Variants in KALRN observed in about 807,000 individuals in gnomAD.
KALRN encodes the protein kalirin.
KALRN carries 70 observed loss-of-function variants against 353.7 expected under a neutral mutation model. That is an observed-to-expected ratio of 0.20 (90% confidence interval 0.16 to 0.24). KALRN has a LOEUF of 0.24. Ranked by LOEUF, KALRN falls within the 10% of genes least tolerant of loss-of-function variation. The pLI is 1.00. For missense variants in KALRN, 2,791 were observed against 3,756.7 expected (o/e 0.74, Z 6.72); for synonymous variants, 1,391 against 1,434.8 (o/e 0.97, Z 0.69).
intron 11 of KALRN, among the ~76,000 whole-genome samples, chr3:124,393,005 C>G (rs1296391820): frequency 1.7e-5 from 2 of 117,494 alleles, no homozygotes; most frequent in African/African-American, 6.5e-5. Flanking sequence ...TTGCTCTGTT[C>G]CCCAGGCTGG....
chr3:124,690,029 C>A (rs1015511335), intron 51 of KALRN, among the ~76,000 whole-genome samples: 24 of 152,154 alleles, frequency 1.6e-4, no homozygotes. Flanking sequence ...AAGTTCATGG[C>A]AGGACATTTT....
intron 47 of KALRN, among the ~76,000 whole-genome samples, chr3:124,668,840 C>T (rs1449766189): frequency 6.6e-6 from 1 of 151,976 alleles, no homozygotes; most frequent in Non-Finnish European, 1.5e-5. Flanking sequence ...TAATTTTATG[C>T]AAAAATGTGT....
At chr3:124,490,939 G>A in intron 30 of KALRN, 55 bp downstream of exon 30, 2 of 1,494,644 alleles carry the variant, frequency 1.3e-6, no homozygotes, top group South Asian at 1.2e-5. Context: ...GAACCCATGG[G>A]CAGGAAGGGA....
At chr3:124,682,533 C>T (rs1264264239) in intron 51 of KALRN, among the ~76,000 whole-genome samples, 2 of 152,204 alleles carry the variant, frequency 1.3e-5, no homozygotes, top group Admixed American at 6.5e-5. Flanking sequence ...CCTAGCTGTG[C>T]ATAGGCTCTC....
At chr3:124,105,299 A>G in intron 1 of KALRN, among the ~76,000 whole-genome samples, 1 of 152,170 alleles carries the variant, frequency 6.6e-6, no homozygotes, top group East Asian at 1.9e-4. Flanking sequence ...GGGATTTAGA[A>G]ACTTTGAGTT....
chr3:124,152,516 C>G, intron 1 of KALRN: 1 of 759,552 alleles, frequency 1.3e-6, no homozygotes, highest in Non-Finnish European at 2.4e-6. Flanking sequence ...TGCCTATATT[C>G]CTTGTTACAG....
intron 6 of KALRN, among the ~76,000 whole-genome samples, chr3:124,304,803 C>T (rs1022783381): frequency 1.3e-5 from 2 of 152,182 alleles, no homozygotes; most frequent in East Asian, 3.8e-4. Flanking sequence ...TTCCTTTACC[C>T]TCCACCCTAG....
intron 34 of KALRN, among the ~76,000 whole-genome samples, chr3:124,576,558 C>A (rs1376356021): frequency 6.6e-6 from 1 of 152,002 alleles, no homozygotes; most frequent in African/African-American, 2.4e-5. Flanking sequence ...GGGTTAAGTA[C>A]CTCTCATTTA....
chr3:124,587,661 G>C (rs1457563949), intron 34 of KALRN, among the ~76,000 whole-genome samples: 1 of 143,800 alleles, frequency 7.0e-6, no homozygotes. Context: ...TATGGAAAGC[G>C]ACTATCTTGT....
chr3:124,544,571 TATCTATATCGATAC>T (rs1396765955), intron 33 of KALRN, among the ~76,000 whole-genome samples: 6 of 152,044 alleles, frequency 3.9e-5, no homozygotes, highest in African/African-American at 1.2e-4. Flanking sequence ...AAAACAAAAC[TATCTATATCGATAC>T]ATCTATATCG....
At chr3:124,512,360 T>C (rs893981413) in intron 33 of KALRN, among the ~76,000 whole-genome samples, 1 of 152,218 alleles carries the variant, frequency 6.6e-6, no homozygotes, top group Admixed American at 6.5e-5. Flanking sequence ...CTTTTAAACA[T>C]GAAGGGGGTG....
intron 1 of KALRN, among the ~76,000 whole-genome samples, chr3:124,117,390 A>T (rs57976357): frequency 0.04 from 6,031 of 151,898 alleles, 412 homozygotes; most frequent in African/African-American, 0.14. Context: ...TTAAATAACT[A>T]AACATTTATT....
chr3:124,526,479 G>T (rs1374491863), intron 33 of KALRN, among the ~76,000 whole-genome samples: 1 of 152,154 alleles, frequency 6.6e-6, no homozygotes, highest in Non-Finnish European at 1.5e-5. Flanking sequence ...GGAGGCTGAG[G>T]TGGGAGGATC....
intron 37 of KALRN, among the ~76,000 whole-genome samples, chr3:124,638,203 T>C (rs1208851251): frequency 6.6e-6 from 1 of 152,210 alleles, no homozygotes; most frequent in East Asian, 1.9e-4. Flanking sequence ...AAATGATGGA[T>C]GCTCTCTATG....
chr3:124,662,042 C>T, intron 45 of KALRN, 114 bp downstream of exon 45: 1 of 824,500 alleles, frequency 1.2e-6, no homozygotes, highest in Non-Finnish European at 2.1e-6. Context: ...CTTCACTCAC[C>T]ACTATGCCTT....
chr3:124,710,263 G>C (rs2150765504), intron 57 of KALRN, among the ~76,000 whole-genome samples: 1 of 152,350 alleles, frequency 6.6e-6, no homozygotes, highest in East Asian at 1.9e-4. Context: ...TAGTAATGTA[G>C]ATACTGAATA....
chr3:124,311,164 T>C (rs557422788), intron 6 of KALRN, among the ~76,000 whole-genome samples: 5 of 141,000 alleles, frequency 3.5e-5, no homozygotes, highest in African/African-American at 5.2e-5. Flanking sequence ...AGATTGGCTA[T>C]AATCAAAAAC....
At chr3:124,532,401 TG>T (rs962654438) in intron 33 of KALRN, among the ~76,000 whole-genome samples, 1 of 152,222 alleles carries the variant, frequency 6.6e-6, no homozygotes, top group Non-Finnish European at 1.5e-5. Context: ...AGCACTGTAA[TG>T]GCATAGAACA....
chr3:124,505,523 C>T (rs541642699), intron 33 of KALRN, among the ~76,000 whole-genome samples: 1 of 152,216 alleles, frequency 6.6e-6, no homozygotes, highest in African/African-American at 2.4e-5. Context: ...GTCTCAGCTC[C>T]TAGGGAGGCT....
Sources: allele counts gnomAD v4.1 joint callset (sites outside exome capture counted in the v4.1 genomes callset), GRCh38; gene constraint gnomAD v4.1.1; transcripts MANE v1.5; gene names NCBI Gene and HGNC (gene_info 2026-07-23, HGNC 2026-07-21).